The following RNF135 variants were observed in gnomAD, a reference collection of about 807,000 sequenced individuals.
RNF135 encodes E3 ubiquitin-protein ligase RNF135.
A neutral mutation model predicts 41.9 loss-of-function variants in RNF135; 46 were observed. That is an observed-to-expected ratio of 1.10 (90% CI 0.87 to 1.40). The LOEUF (loss-of-function observed/expected upper bound fraction) is 1.40. Ranked by LOEUF, RNF135 falls within the 40% of genes most tolerant of loss-of-function variation. The pLI, the probability that RNF135 is intolerant of heterozygous loss-of-function variation, is 0.00. For missense variants in RNF135, 539 were observed against 549.8 expected (o/e 0.98, Z 0.20); for synonymous variants, 238 against 223.8 (o/e 1.06, Z -0.57).
At chr17:30,982,245 A>G (rs1907204256) in intron 1 of RNF135, among the ~76,000 whole-genome samples, 1 of 152,208 alleles carries the variant, frequency 6.6e-6, no homozygotes. Flanking sequence ...TTAGAGCCCC[A>G]GAGCACTTCA....
At chr17:30,975,771 T>A in intron 1 of RNF135, 1 of 1,121,906 alleles carries the variant, frequency 8.9e-7, no homozygotes, top group East Asian at 2.4e-5. Flanking sequence ...GTACCCTCTT[T>A]CCAGCTCATC....
intron 2 of RNF135, 51 bp from the exon 3 acceptor site, chr17:30,987,893 A>G: frequency 1.3e-6 from 2 of 1,483,370 alleles, no homozygotes; most frequent in South Asian, 2.3e-5. Context: ...AATAGTTGAT[A>G]GACTGCATAG....
intron 2 of RNF135, among the ~76,000 whole-genome samples, chr17:30,987,124 A>G (rs1907647230): frequency 6.6e-6 from 1 of 152,192 alleles, no homozygotes; most frequent in African/African-American, 2.4e-5. Flanking sequence ...AAAGAAAATC[A>G]GGGAGCATGT....
At chr17:30,991,909 A>T (rs1908014785) in intron 3 of RNF135, among the ~76,000 whole-genome samples, 2 of 151,686 alleles carry the variant, frequency 1.3e-5, no homozygotes, top group African/African-American at 4.8e-5. Context: ...TTATAATGCC[A>T]TATAGACATT....
chr17:30,983,206 A>C lies in RNF135; in HGVS notation c.373-1411A>C, dbSNP rs553565178. Among the ~76,000 whole-genome samples the C allele has an allele frequency of 2.0e-5, 3 of 150,972 alleles. No individual in the cohort carries two copies. In the East Asian group the frequency reaches 5.8e-4, roughly 29 times the overall value. ...TGCTTCCATGTTTTAGCTAGTGGGA[A>C]TAATACTGCTATGGGCATGAGTTTA... is the stretch of plus-strand genomic sequence containing the variant. On this transcript the variant is annotated intron_variant, in intron 1 of 4. Transcript: ENST00000328381.
intron 4 of RNF135, chr17:30,997,545 A>G (rs1162771868): frequency 6.4e-6 from 4 of 628,382 alleles, no homozygotes; most frequent in Non-Finnish European, 1.2e-5. Flanking sequence ...ACCTTTGAGC[A>G]TCTCTGCTGT....
upstream of RNF135, among the ~76,000 whole-genome samples, chr17:30,968,421 T>C (rs1905645078): frequency 6.6e-6 from 1 of 151,180 alleles, no homozygotes; most frequent in Non-Finnish European, 1.5e-5. Context: ...AGTCTTGCTC[T>C]GTCGCCCAGG....
chr17:30,974,023 A>G (rs545527819), intron 1 of RNF135, among the ~76,000 whole-genome samples: 2 of 152,058 alleles, frequency 1.3e-5, no homozygotes, highest in Non-Finnish European at 2.9e-5. Flanking sequence ...TCATCTAGAG[A>G]TGAAACCCCA....
chr17:30,966,434 G>GTATT (rs1215154167), upstream of RNF135, among the ~76,000 whole-genome samples: 4 of 135,314 alleles, frequency 3.0e-5, no homozygotes, highest in East Asian at 2.2e-4. Context: ...TTATTTTTAT[G>GTATT]TATTTATTTA....
chr17:30,973,584 C>T (rs1373209005), intron 1 of RNF135, among the ~76,000 whole-genome samples: 1 of 152,034 alleles, frequency 6.6e-6, no homozygotes, highest in East Asian at 1.9e-4. Flanking sequence ...TCTCCTGCCT[C>T]AGCCTCCAAA....
At chr17:30,963,527 G>A in the RNF135 span, among the ~76,000 whole-genome samples, 215 of 151,810 alleles carry the variant, frequency 1.4e-3, no homozygotes, top group African/African-American at 3.8e-3. Flanking sequence ...AGCCGAGATC[G>A]CACCACTGCA....
In RNF135 at chr17:30,998,843, G is replaced by A. The variant is rs1567751348; in HGVS notation, c.951G>A (p.Val317=). The part of the protein sequence containing the change: ...ALSSGKHYWE[V]DTRNCSHWAV... ...CTTCTGGAAAGCATTACTGGGAAGT[G>A]GACACTAGGAATTGCAGCCACTGGG... The change falls in exon 5 of 5, where the codon GTG becomes GTA. Residue 317 remains valine (V), a synonymous_variant. Transcript: ENST00000328381. 2.5e-6 allele frequency: 4 copies of A among 1,613,134 alleles called. No individual in the cohort carries two copies. The South Asian group carries it at 4.4e-5, about 18-fold the overall frequency.
rs1043623668 is a variant in RNF135 at position 30,985,322 on chromosome 17, C to T, written c.516+562C>T. ...AATAATAGCTCCAGGCTGGAGCCTT[C>T]TCTGAGCACTAGGCTGCTATGTCTT... On this transcript the variant is annotated intron_variant, in intron 2 of 4. Transcript: ENST00000328381. 2.5e-4 allele frequency among the ~76,000 whole-genome samples: 38 copies of T among 152,228 alleles called. 1 individual carries two copies. The highest frequency in any genetic ancestry group is 7.2e-4 in the Admixed American group (11 of 15,284).
At chr17:30,979,954 C>T (rs1906920395) in intron 1 of RNF135, among the ~76,000 whole-genome samples, 2 of 105,606 alleles carry the variant, frequency 1.9e-5, no homozygotes, top group South Asian at 3.4e-4. Flanking sequence ...CGCCCCTCAC[C>T]TCCCGGACGG....
chr17:30,979,670 C>G lies in RNF135; in HGVS notation c.373-4947C>G, dbSNP rs1486856293. 1.9e-4 allele frequency among the ~76,000 whole-genome samples: 27 copies of G among 141,318 alleles called. No homozygotes were observed. The East Asian group carries it at 6.1e-3, about 32-fold the overall frequency. 92.7% of individuals were successfully genotyped at this position (141,318 alleles called of 152,430 possible). A position where few individuals can be genotyped will look rare whatever the true frequency, so the allele number is the denominator to read the frequency against. On this transcript the variant is annotated intron_variant, in intron 1 of 4. Transcript: ENST00000328381. ...CTGGCCAGGCGGGGGGCTGATCCCC[C>G]CCACCTCCCTCCCGGACGGGGCGGC...
At chr17:30,984,803 G>A in intron 2 of RNF135, 43 bp downstream of exon 2, 2 of 1,601,216 alleles carry the variant, frequency 1.2e-6, no homozygotes, top group Non-Finnish European at 1.7e-6. Flanking sequence ...AGGGAATAGG[G>A]CTAGGGATTG....
At position 30,971,386 on chromosome 17, in the gene RNF135, G is replaced by GGCTCCAGTTCCC; in HGVS notation, c.314_325dup (p.Ser108_Leu109insArgSerSerSer). The stretch of plus-strand genomic sequence containing the variant: ...CGACCCTGCCCACTGCCCCTGCCCG[G>GGCTCCAGTTCCC]GCTCCAGTTCCCTCTCCAGCGCGGC... On this transcript the variant is annotated inframe_insertion, in exon 1 of 5. Transcript: ENST00000328381. 6.6e-7 allele frequency: 1 copy of GGCTCCAGTTCCC among 1,525,610 alleles called. No homozygotes were observed. The highest frequency in any genetic ancestry group is 8.8e-7 in the Non-Finnish European group (1 of 1,142,142). 94.5% of individuals were successfully genotyped at this position (1,525,610 alleles called of 1,614,324 possible). A position where few individuals can be genotyped will look rare whatever the true frequency, so the allele number is the denominator to read the frequency against.
chr17:30,993,499 C>T (rs1433948914), intron 3 of RNF135, among the ~76,000 whole-genome samples: 11 of 151,864 alleles, frequency 7.2e-5, no homozygotes, highest in Admixed American at 4.6e-4. Context: ...GCCACCATAC[C>T]GAGCCCCTAG....
At chr17:30,989,149 C>T (rs530879119) in intron 3 of RNF135, among the ~76,000 whole-genome samples, 1 of 151,408 alleles carries the variant, frequency 6.6e-6, no homozygotes, top group Admixed American at 6.6e-5. Flanking sequence ...GTGAGAGGAT[C>T]TCTTGAGGCC....
Sources: allele counts gnomAD v4.1 joint callset (sites outside exome capture counted in the v4.1 genomes callset), GRCh38; gene constraint gnomAD v4.1.1; transcripts MANE v1.5; gene names NCBI Gene and HGNC (gene_info 2026-07-23, HGNC 2026-07-21).